The following TARBP1 variants were observed in gnomAD, a reference collection of about 807,000 sequenced individuals.
TARBP1 encodes the protein tRNA (guanosine(18)-2'-O)-methyltransferase TARBP1.
A neutral mutation model predicts 178.6 loss-of-function variants in TARBP1; 144 were observed. The observed-to-expected ratio is 0.81, with a 90% CI of 0.70 to 0.93. The LOEUF is 0.93. TARBP1 is among the 40% of genes least tolerant of loss of function. The pLI, the probability that TARBP1 is intolerant of heterozygous loss-of-function variation, is 0.00. For missense variants in TARBP1, 2,067 were observed against 2,011.7 expected, an observed-to-expected ratio of 1.03 and a Z score of -0.53; for synonymous variants, 787 against 781.0, an observed-to-expected ratio of 1.01 and a Z score of -0.13.
intron 12 of TARBP1, among the ~76,000 whole-genome samples, chr1:234,443,894 G>A (rs1665864679): frequency 6.6e-6 from 1 of 152,184 alleles, no homozygotes. Context: ...ACTTCTAGGA[G>A]GTACCCAGAG....
rs571207457 is a variant in TARBP1, at chr1:234,452,214, C to T, written c.1723-1648G>A. 4.6e-5 allele frequency among the ~76,000 whole-genome samples: 7 copies of T among 152,268 alleles called. No individual in the cohort carries two copies. The South Asian group carries it at 1.5e-3, about 32-fold the overall frequency. ...ATCTAAATGGCAGTCTCTGGGTAGG[C>T]AGGTTCCCTTGATTCCCCATTACAA... On this transcript the variant is annotated intron_variant, in intron 9 of 29. Transcript: ENST00000040877.
chr1:234,445,520 T>C (rs569751222), intron 12 of TARBP1, among the ~76,000 whole-genome samples: 37 of 152,156 alleles, frequency 2.4e-4, no homozygotes, highest in Non-Finnish European at 4.6e-4. Flanking sequence ...GCCTTGATGG[T>C]GGTGATGGTT....
intron 24 of TARBP1, among the ~76,000 whole-genome samples, chr1:234,404,475 T>G (rs1572220513): frequency 1.3e-5 from 2 of 152,234 alleles, no homozygotes; most frequent in Non-Finnish European, 2.9e-5. Context: ...AATCTACACA[T>G]GTAAACTCAG....
Position 234,450,457 on chromosome 1 carries a change from T to A in TARBP1, c.1832A>T (p.Gln611Leu). Reference sequence around the variant, plus strand: ...CCAAGCAGATGACTTAACATACTCTTGAACAATGCTCTTTACATAAGCATT... The same window carrying A: ...CCAAGCAGATGACTTAACATACTCTAGAACAATGCTCTTTACATAAGCATT... ...SLNAYVKSIV[Q>L]EYVKSSAWET... Residue 611 changes from glutamine to leucine, a missense_variant, in exon 10 of 30, where the codon CAA becomes CTA. Physicochemically the swap from Gln to Leu is moderately radical, Grantham distance 113. Transcript: ENST00000040877. 1 of 1,607,340 alleles carries A rather than the reference T, an allele frequency of 6.2e-7. No homozygotes were observed. Among genetic ancestry groups the A allele is most frequent in the Non-Finnish European group, 8.5e-7 (1 of 1,177,948 alleles).
chr1:234,411,659 C>T (rs1572240366), intron 22 of TARBP1, among the ~76,000 whole-genome samples: 1 of 152,026 alleles, frequency 6.6e-6, no homozygotes, highest in South Asian at 2.1e-4. Flanking sequence ...TAGCGAAAAA[C>T]CTATAGAAGA....
chr1:234,410,881 T>C (rs1482271229), intron 22 of TARBP1, among the ~76,000 whole-genome samples: 1 of 152,198 alleles, frequency 6.6e-6, no homozygotes, highest in Non-Finnish European at 1.5e-5. Flanking sequence ...GAGATCAGCT[T>C]GGCCAACATG....
At chr1:234,426,756 T>C (rs113990778) in intron 19 of TARBP1, among the ~76,000 whole-genome samples, 5 of 152,136 alleles carry the variant, frequency 3.3e-5, no homozygotes, top group Admixed American at 6.5e-5. Context: ...TAGATAAAAA[T>C]AGTTTTATCG....
rs1446264772 is a variant in TARBP1, at chr1:234,478,248, A to G, written c.856T>C (p.Tyr286His). 1.2e-6 allele frequency: 2 copies of G among 1,609,426 alleles called. No individual in the cohort carries two copies. The highest frequency in any genetic ancestry group is 1.7e-6 in the Non-Finnish European group (2 of 1,178,866). Residue 286 changes from tyrosine (Y) to histidine (H), a missense_variant, in exon 1 of 30, where the codon TAC becomes CAC. Coordinates refer to ENST00000040877, the MANE Select transcript of TARBP1 (RefSeq NM_005646.4). ...ADALTRKRAR[Y>H]LLQRAVEVSA... is the part of the protein sequence containing the mutation. ...ACCTCCACCGCCCTCTGCAGCAGGTAGCGCGCTCGCTTGCGCGTCAGGGCG... is the reference window on the plus strand; with the variant it reads ...ACCTCCACCGCCCTCTGCAGCAGGTGGCGCGCTCGCTTGCGCGTCAGGGCG...
At chr1:234,412,653 AAAAT>A (rs537688926) in intron 22 of TARBP1, among the ~76,000 whole-genome samples, 2 of 152,302 alleles carry the variant, frequency 1.3e-5, no homozygotes, top group East Asian at 1.9e-4. Context: ...CTCTGTCTCA[AAAAT>A]AAATAAAGAA....
At chr1:234,470,108 A>G (rs546785798) in intron 3 of TARBP1, among the ~76,000 whole-genome samples, 1 of 152,258 alleles carries the variant, frequency 6.6e-6, no homozygotes, top group African/African-American at 2.4e-5. Context: ...CTCTACTAAA[A>G]ATACAAAAAT....
At chr1:234,474,236 T>C (rs2103313752) in intron 1 of TARBP1, among the ~76,000 whole-genome samples, 1 of 134,486 alleles carries the variant, frequency 7.4e-6, no homozygotes, top group African/African-American at 3.0e-5. Context: ...AGCGAGGATT[T>C]GTCTCTAAAA....
At position 234,450,493 on chromosome 1, in the gene TARBP1, T is replaced by C. The variant is rs375951146; in HGVS notation, c.1796A>G (p.Lys599Arg). 228 of 1,611,972 alleles carry C rather than the reference T, an allele frequency of 1.4e-4. No homozygotes were observed. Among genetic ancestry groups the C allele is most frequent in the Non-Finnish European group, 1.8e-4 (211 of 1,179,308 alleles). Residue 599 changes from lysine (K) to arginine (R), a missense_variant, in exon 10 of 30, where the codon AAG (lysine) becomes AGG (arginine). Coordinates refer to ENST00000040877, the MANE Select transcript of TARBP1 (RefSeq NM_005646.4). The part of the protein sequence containing the change: ...SPTCSSIGLH[K>R]TSLNAYVKSI... ...CTTTACATAAGCATTTAAAGATGTC[T>C]TGTGAAGTCCAATGGAGCTACACGT...
intron 29 of TARBP1, 37 bp downstream of exon 29, chr1:234,392,379 C>T (rs759104782): frequency 6.3e-7 from 1 of 1,596,862 alleles, no homozygotes; most frequent in South Asian, 1.2e-5. Context: ...TAGTCTGGGG[C>T]TCAGAGAATA....
rs1292889625 is a variant in TARBP1 at position 234,460,199 on chromosome 1, T to A, written c.1535+62A>T. ...CTGTAGATTAAAGCAGAGGAGAAAATATATATATTGATGGAAAGTCATGGC... is the reference window on the plus strand; with the variant it reads ...CTGTAGATTAAAGCAGAGGAGAAAAAATATATATTGATGGAAAGTCATGGC... On this transcript the variant is annotated intron_variant, in intron 7 of 29. Coordinates refer to ENST00000040877, the MANE Select transcript of TARBP1 (RefSeq NM_005646.4). 17 of 1,516,692 alleles carry A rather than the reference T, an allele frequency of 1.1e-5. No homozygotes were observed. The East Asian group carries it at 1.2e-4, about 10-fold the overall frequency. 94.0% of individuals were successfully genotyped at this position (1,516,692 alleles called of 1,614,324 possible). A position where few individuals can be genotyped will look rare whatever the true frequency, so the allele number is the denominator to read the frequency against.
chr1:234,478,465 C>A lies in TARBP1; in HGVS notation c.639G>T (p.Gly213=). The A allele has an allele frequency of 7.2e-7, 1 of 1,383,502 alleles. No homozygotes were observed. The highest frequency in any genetic ancestry group is 1.5e-5 in the African/African-American group (1 of 65,944). The allele number at this position is 1,383,502 out of a possible 1,614,324, so 85.7% of individuals were successfully genotyped here. A position where few individuals can be genotyped will look rare whatever the true frequency, so the allele number is the denominator to read the frequency against. The change falls in exon 1 of 30, where the codon GGG becomes GGT. Residue 213 remains glycine (G), a synonymous_variant. Transcript: ENST00000040877. ...GGAALRAVWG[G]LAAPGASLGS... The stretch of plus-strand genomic sequence containing the variant: ...CCAGGGACGCCCCAGGCGCGGCCAG[C>A]CCGCCCCACACGGCCCGCAGCGCCG...
intron 12 of TARBP1, among the ~76,000 whole-genome samples, chr1:234,440,022 C>T (rs988889520): frequency 3.3e-5 from 5 of 152,044 alleles, no homozygotes; most frequent in South Asian, 4.1e-4. Context: ...ATTTTAAAAA[C>T]TGAAATCATA....
intron 6 of TARBP1, among the ~76,000 whole-genome samples, chr1:234,461,303 T>A (rs1054029192): frequency 2.7e-5 from 4 of 146,792 alleles, no homozygotes; most frequent in African/African-American, 8.0e-5. Flanking sequence ...AAGGTAATTT[T>A]TTGTTTGTTT....
At chr1:234,401,330 C>A in intron 24 of TARBP1, 68 bp from the exon 25 acceptor site, 1 of 1,241,074 alleles carries the variant, frequency 8.1e-7, no homozygotes. Context: ...AGAATCAATT[C>A]AGTATCTTAA....
intron 7 of TARBP1, among the ~76,000 whole-genome samples, chr1:234,459,604 G>A (rs1012421237): frequency 6.6e-6 from 1 of 152,104 alleles, no homozygotes; most frequent in East Asian, 1.9e-4. Flanking sequence ...CTGAGGTCAG[G>A]AGTTTGAGAC....
Sources: gnomAD v4.1 joint callset for allele counts (sites outside exome capture counted in the v4.1 genomes callset) on GRCh38, gnomAD v4.1.1 for gene constraint, MANE v1.5 for transcripts, NCBI Gene and HGNC (gene_info 2026-07-23, HGNC 2026-07-21) for gene names.